The following ZNF487 variants were observed in gnomAD, a reference collection of about 807,000 sequenced individuals.
The protein encoded by ZNF487 is zinc finger protein 487.
In ZNF487, 4 loss-of-function variants were observed where a neutral mutation model predicts 3.0. That is an observed-to-expected ratio of 1.35 (90% CI 0.66 to 3.08). The LOEUF is 3.08. Among genes scored for constraint, ZNF487 ranks in the 30% most tolerant of loss-of-function variants. The pLI is 0.01. For synonymous variants in ZNF487, 55 were observed against 34.6 expected, an observed-to-expected ratio of 1.59 and a Z score of -2.06; for missense variants, 146 against 98.7, an observed-to-expected ratio of 1.48 and a Z score of -2.03.
intron 1 of ZNF487, among the ~76,000 whole-genome samples, chr10:43,458,475 G>A (rs1840302560): frequency 6.6e-6 from 1 of 152,186 alleles, no homozygotes; most frequent in Non-Finnish European, 1.5e-5. Flanking sequence ...GAGCAGAGGG[G>A]TAACTTTAAA....
the ZNF487 span, among the ~76,000 whole-genome samples, chr10:43,520,487 C>A: frequency 6.6e-6 from 1 of 152,202 alleles, no homozygotes; most frequent in Admixed American, 6.5e-5. Flanking sequence ...TATGTGTCCA[C>A]TGATTTACTA....
the ZNF487 span, among the ~76,000 whole-genome samples, chr10:43,508,091 T>C: frequency 3.3e-5 from 5 of 152,152 alleles, no homozygotes; most frequent in Admixed American, 6.5e-5. Flanking sequence ...TGTAGGGTCA[T>C]AGGGAAAAGC....
chr10:43,478,187 A>G (rs1046730156), intron 3 of ZNF487, among the ~76,000 whole-genome samples: 6 of 152,170 alleles, frequency 3.9e-5, no homozygotes, highest in Admixed American at 3.9e-4. Context: ...CGGGAGACCA[A>G]CCCAAGAGGA....
chr10:43,458,496 T>C (rs1019473892), intron 1 of ZNF487, among the ~76,000 whole-genome samples: 8 of 152,212 alleles, frequency 5.3e-5, no homozygotes, highest in African/African-American at 1.9e-4. Context: ...TAGAGTGAGA[T>C]GCAGGTTTGC....
At chr10:43,495,285 C>G in the ZNF487 span, among the ~76,000 whole-genome samples, 1 of 151,336 alleles carries the variant, frequency 6.6e-6, no homozygotes, top group Non-Finnish European at 1.5e-5. Flanking sequence ...GCTCTGTCTC[C>G]CAGTTTGGAG....
the ZNF487 span, among the ~76,000 whole-genome samples, chr10:43,489,553 C>T: frequency 6.6e-6 from 1 of 151,992 alleles, no homozygotes; most frequent in Non-Finnish European, 1.5e-5. Flanking sequence ...GGGGTTTTAC[C>T]ATGTTGGCCA....
chr10:43,439,727 TAAAA>T (rs964043385), intron 1 of ZNF487, among the ~76,000 whole-genome samples: 1 of 151,734 alleles, frequency 6.6e-6, no homozygotes, highest in African/African-American at 2.4e-5. Context: ...TAAGTGAAAA[TAAAA>T]AAGAAAATGT....
chr10:43,441,034 A>ATTTTTTTTTTTTTTTTTTTTTTTTT (rs763451709), intron 1 of ZNF487, among the ~76,000 whole-genome samples: 1 of 44,548 alleles, frequency 2.2e-5, no homozygotes, highest in African/African-American at 1.1e-4. Flanking sequence ...ACCTGGTTAA[A>ATTTTTTTTTTTTTTTTTTTTTTTTT]TTTTTTTTTT....
At chr10:43,516,759 G>T in the ZNF487 span, among the ~76,000 whole-genome samples, 2 of 152,162 alleles carry the variant, frequency 1.3e-5, no homozygotes, top group Non-Finnish European at 2.9e-5. Flanking sequence ...AGGTGTGTCT[G>T]CCTTTCCCAG....
the ZNF487 span, among the ~76,000 whole-genome samples, chr10:43,497,353 A>C: frequency 6.6e-6 from 1 of 152,216 alleles, no homozygotes; most frequent in Non-Finnish European, 1.5e-5. Context: ...CACAAATTTT[A>C]ATGATGTGAG....
intron 1 of ZNF487, among the ~76,000 whole-genome samples, chr10:43,457,218 C>G (rs1306473586): frequency 1.3e-5 from 2 of 151,828 alleles, no homozygotes; most frequent in Non-Finnish European, 2.9e-5. Flanking sequence ...TGCACTCCAG[C>G]CTGGGTGACA....
intron 3 of ZNF487, among the ~76,000 whole-genome samples, chr10:43,479,561 T>C (rs1160549691): frequency 2.0e-5 from 3 of 152,224 alleles, no homozygotes; most frequent in African/African-American, 4.8e-5. Context: ...ATTGAGCTGC[T>C]TGAAGCATTA....
the ZNF487 span, among the ~76,000 whole-genome samples, chr10:43,495,806 TC>T: frequency 5.9e-5 from 9 of 152,184 alleles, no homozygotes; most frequent in African/African-American, 2.2e-4. Context: ...TAGATTTTTT[TC>T]CCACAAATCA....
chr10:43,520,531 G>C, the ZNF487 span, among the ~76,000 whole-genome samples: 3 of 152,322 alleles, frequency 2.0e-5, no homozygotes, highest in Admixed American at 2.0e-4. Context: ...ATCGGAGATA[G>C]AGCAACACTG....
the ZNF487 span, among the ~76,000 whole-genome samples, chr10:43,521,427 G>A: frequency 3.3e-5 from 5 of 152,030 alleles, no homozygotes; most frequent in African/African-American, 7.2e-5. Context: ...CTACACTAGC[G>A]GACTATTTTA....
At chr10:43,510,916 A>T in the ZNF487 span, among the ~76,000 whole-genome samples, 1 of 152,202 alleles carries the variant, frequency 6.6e-6, no homozygotes, top group Admixed American at 6.5e-5. Context: ...GCAATCTTCC[A>T]GTTTAATGGA....
At chr10:43,504,293 C>CTTTCT in the ZNF487 span, among the ~76,000 whole-genome samples, 7 of 108,950 alleles carry the variant, frequency 6.4e-5, no homozygotes, top group Admixed American at 3.5e-4. Context: ...TTCTTTCTTT[C>CTTTCT]TTTTTTTTTT....
chr10:43,494,958 C>T, the ZNF487 span, among the ~76,000 whole-genome samples: 6 of 146,856 alleles, frequency 4.1e-5, no homozygotes, highest in Non-Finnish European at 9.0e-5. Context: ...AAAATCAGCA[C>T]GCTGGAAGAA....
chr10:43,509,902 A>G, the ZNF487 span, among the ~76,000 whole-genome samples: 2 of 152,286 alleles, frequency 1.3e-5, no homozygotes, highest in Admixed American at 6.5e-5. Flanking sequence ...GTCAACTTGA[A>G]CCCATACACA....
Sources: allele counts gnomAD v4.1 joint callset (sites outside exome capture counted in the v4.1 genomes callset), GRCh38; gene constraint gnomAD v4.1.1; transcripts MANE v1.5; gene names NCBI Gene and HGNC (gene_info 2026-07-23, HGNC 2026-07-21).